The following EPHA3 variants were observed in gnomAD, a reference collection of about 807,000 sequenced individuals.
The protein encoded by EPHA3 is EPH receptor A3.
Under a neutral mutation model 107.1 loss-of-function variants are expected in EPHA3, and 42 were observed. That is an observed-to-expected ratio of 0.39 (90% CI 0.31 to 0.51). The LOEUF (loss-of-function observed/expected upper bound fraction) is 0.51, where lower values mean the gene tolerates loss of function less well. EPHA3 is among the 20% of genes least tolerant of loss of function. EPHA3 has a pLI of 0.78. For synonymous variants in EPHA3, 461 were observed against 424.8 expected, an observed-to-expected ratio of 1.09 and a Z score of -1.05; for missense variants, 1,183 against 1,211.2, an observed-to-expected ratio of 0.98 and a Z score of 0.35.
chr3:89,229,058 G>A (rs1704567004), intron 3 of EPHA3, among the ~76,000 whole-genome samples: 1 of 151,872 alleles, frequency 6.6e-6, no homozygotes, highest in Non-Finnish European at 1.5e-5. Flanking sequence ...ATTTTCTACA[G>A]AAAAGCATTC....
At chr3:89,402,927 C>G (rs1347193003) in intron 7 of EPHA3, among the ~76,000 whole-genome samples, 1 of 152,134 alleles carries the variant, frequency 6.6e-6, no homozygotes, top group African/African-American at 2.4e-5. Context: ...ATCCGACTGC[C>G]TTGGCCTTCA....
rs533598666 is a variant in EPHA3, at chr3:89,444,727, A to G, written c.2347-4498A>G. 9.9e-5 allele frequency among the ~76,000 whole-genome samples: 15 copies of G among 152,176 alleles called. No homozygotes were observed. In the South Asian group the frequency reaches 3.1e-3, roughly 32 times the overall value. ...TATTATAAATTCATGACAAATGACA[A>G]AATTTTCTAAATAATAATATATAAT... On this transcript the variant is annotated intron_variant, in intron 13 of 16. Coordinates refer to ENST00000336596, the MANE Select transcript of EPHA3 (RefSeq NM_005233.6).
chr3:89,268,678 T>A (rs2107293677), intron 3 of EPHA3, among the ~76,000 whole-genome samples: 1 of 152,196 alleles, frequency 6.6e-6, no homozygotes, highest in South Asian at 2.1e-4. Flanking sequence ...AAAACTTAAC[T>A]GCTGATTTTT....
chr3:89,409,195 G>C (rs971265082), intron 9 of EPHA3, among the ~76,000 whole-genome samples: 1 of 152,014 alleles, frequency 6.6e-6, no homozygotes, highest in Non-Finnish European at 1.5e-5. Context: ...AAAAGCCAAA[G>C]TACTACATTC....
At chr3:89,426,894 A>T (rs1419957271) in intron 11 of EPHA3, among the ~76,000 whole-genome samples, 2 of 151,910 alleles carry the variant, frequency 1.3e-5, no homozygotes, top group African/African-American at 4.8e-5. Flanking sequence ...TCATTTATTC[A>T]TTCATTTCAT....
intron 3 of EPHA3, among the ~76,000 whole-genome samples, chr3:89,237,007 T>C (rs552673461): frequency 3.3e-4 from 50 of 152,328 alleles, no homozygotes; most frequent in Non-Finnish European, 5.9e-4. Flanking sequence ...AATGAATCAA[T>C]GCATGGATCG....
At chr3:89,427,426 A>T in intron 11 of EPHA3, among the ~76,000 whole-genome samples, 1 of 151,868 alleles carries the variant, frequency 6.6e-6, no homozygotes. Flanking sequence ...TAAATAAGAC[A>T]CATAGGAGGA....
intron 15 of EPHA3, among the ~76,000 whole-genome samples, chr3:89,450,721 A>T (rs1709968328): frequency 1.3e-5 from 2 of 152,086 alleles, no homozygotes; most frequent in Non-Finnish European, 2.9e-5. Context: ...AGCCTGGCCA[A>T]CATAGTGAAA....
At chr3:89,379,285 T>C (rs539091371) in intron 5 of EPHA3, among the ~76,000 whole-genome samples, 6 of 152,166 alleles carry the variant, frequency 3.9e-5, no homozygotes, top group Non-Finnish European at 7.4e-5. Flanking sequence ...GCATAGACAA[T>C]GCAAATTTTA....
chr3:89,145,569 G>A (rs907878211), intron 2 of EPHA3, among the ~76,000 whole-genome samples: 1 of 151,444 alleles, frequency 6.6e-6, no homozygotes, highest in African/African-American at 2.4e-5. Context: ...ACATTCAATA[G>A]CTTATATCCT....
chr3:89,307,333 A>G (rs1450251949), intron 3 of EPHA3, among the ~76,000 whole-genome samples: 2 of 152,300 alleles, frequency 1.3e-5, no homozygotes, highest in African/African-American at 4.8e-5. Flanking sequence ...TTGAGTTGCT[A>G]AACCTAATAA....
At chr3:89,448,062 T>C (rs1709912073) in intron 13 of EPHA3, among the ~76,000 whole-genome samples, 1 of 152,166 alleles carries the variant, frequency 6.6e-6, no homozygotes, top group Non-Finnish European at 1.5e-5. Flanking sequence ...TCACTTGAAA[T>C]TGAGGTCACT....
At chr3:89,252,750 G>A (rs1705193348) in intron 3 of EPHA3, among the ~76,000 whole-genome samples, 2 of 151,656 alleles carry the variant, frequency 1.3e-5, no homozygotes, top group Admixed American at 1.3e-4. Context: ...TATTATTCAA[G>A]TTTTTCATGC....
intron 3 of EPHA3, among the ~76,000 whole-genome samples, chr3:89,331,295 A>T (rs1707282578): frequency 1.3e-5 from 2 of 152,182 alleles, no homozygotes; most frequent in South Asian, 2.1e-4. Flanking sequence ...GATCAAGTTA[A>T]TGTTTGATGA....
chr3:89,476,729 TCCGGAGTAGCTGGGAGTACAGGCGC>T (rs1335708457), intron 16 of EPHA3, among the ~76,000 whole-genome samples: 1 of 151,520 alleles, frequency 6.6e-6, no homozygotes, highest in Non-Finnish European at 1.5e-5. Flanking sequence ...TGCCTCAGCC[TCCGGAGTAGCTGGGAGTACAGGCGC>T]CCGCCACCAC....
chr3:89,410,216 AT>A (rs1709132888), intron 9 of EPHA3, among the ~76,000 whole-genome samples: 1 of 151,890 alleles, frequency 6.6e-6, no homozygotes, highest in African/African-American at 2.4e-5. Flanking sequence ...AATTCACCTT[AT>A]TTTAATTAAT....
chr3:89,315,177 A>G lies in EPHA3; in HGVS notation c.815-25739A>G, dbSNP rs1205709673. 4.0e-5 allele frequency among the ~76,000 whole-genome samples: 6 copies of G among 151,806 alleles called. No individual in the cohort carries two copies. In the Admixed American group the frequency reaches 4.0e-4, roughly 10 times the overall value. On this transcript the variant is annotated intron_variant, in intron 3 of 16. Transcript: ENST00000336596. ...TGGTATGTGACTGTATATATTACAT[A>G]TATGTCATATATATTTTTTATATAT...
intron 1 of EPHA3, among the ~76,000 whole-genome samples, chr3:89,111,517 C>A (rs886170829): frequency 2.9e-5 from 4 of 138,680 alleles, no homozygotes; most frequent in South Asian, 2.5e-4. Flanking sequence ...ATCCCCCCCC[C>A]ACCCCGCCTC....
chr3:89,343,755 A>C (rs1707584460), intron 5 of EPHA3, among the ~76,000 whole-genome samples: 1 of 152,198 alleles, frequency 6.6e-6, no homozygotes. Flanking sequence ...AAATACATGA[A>C]TTTTAAATGA....
Sources: allele counts gnomAD v4.1 joint callset (sites outside exome capture counted in the v4.1 genomes callset), GRCh38; gene constraint gnomAD v4.1.1; transcripts MANE v1.5; gene names NCBI Gene and HGNC (gene_info 2026-07-23, HGNC 2026-07-21).